Variants in LRMDA observed in about 807,000 individuals in gnomAD.
LRMDA encodes the protein leucine rich melanocyte differentiation associated, also known as leucine-rich melanocyte differentiation-associated protein.
Under a neutral mutation model 29.8 loss-of-function variants are expected in LRMDA, and 18 were observed. That is an observed-to-expected ratio of 0.60 (90% CI 0.42 to 0.90). The LOEUF is 0.90. LRMDA is among the 40% of genes least tolerant of loss of function. LRMDA has a pLI of 0.00. For missense variants in LRMDA, 273 were observed against 273.9 expected (o/e 1.00, Z 0.02); for synonymous variants, 125 against 109.4 (o/e 1.14, Z -0.89).
intron 5 of LRMDA, among the ~76,000 whole-genome samples, chr10:76,062,476 G>A (rs1848717110): frequency 6.6e-6 from 1 of 152,148 alleles, no homozygotes; most frequent in Non-Finnish European, 1.5e-5. Context: ...TGGCGCTTGA[G>A]TGCAAGTCCT....
At chr10:76,310,821 C>A (rs932466548) in intron 5 of LRMDA, among the ~76,000 whole-genome samples, 2 of 152,168 alleles carry the variant, frequency 1.3e-5, no homozygotes, top group African/African-American at 2.4e-5. Context: ...GTCATGCTGG[C>A]ATGCACTCTT....
At chr10:76,446,784 T>C (rs907022824) in intron 6 of LRMDA, among the ~76,000 whole-genome samples, 1 of 152,218 alleles carries the variant, frequency 6.6e-6, no homozygotes, top group African/African-American at 2.4e-5. Flanking sequence ...CACTTACTTA[T>C]GCTTTGGCTG....
chr10:75,668,731 AAC>A (rs1410614889), intron 2 of LRMDA, among the ~76,000 whole-genome samples: 1 of 152,232 alleles, frequency 6.6e-6, no homozygotes, highest in Non-Finnish European at 1.5e-5. Flanking sequence ...GAAATCTAGC[AAC>A]ACACAGTTAA....
intron 2 of LRMDA, among the ~76,000 whole-genome samples, chr10:75,557,829 G>A (rs1230136309): frequency 2.0e-5 from 3 of 152,164 alleles, no homozygotes; most frequent in East Asian, 1.9e-4. Context: ...GCTGTATGTC[G>A]ATCTGTTAAG....
chr10:75,902,169 C>T (rs1264093268), intron 2 of LRMDA, among the ~76,000 whole-genome samples: 7 of 152,186 alleles, frequency 4.6e-5, no homozygotes, highest in African/African-American at 1.7e-4. Flanking sequence ...AATGGCTGCT[C>T]TTTGGCTACC....
chr10:76,008,510 AG>A (rs746495859), intron 2 of LRMDA, among the ~76,000 whole-genome samples: 1 of 152,288 alleles, frequency 6.6e-6, no homozygotes, highest in Admixed American at 6.5e-5. Flanking sequence ...TTCAATTCCG[AG>A]GCTGGCTTCT....
chr10:75,522,242 C>G (rs1230139263), intron 2 of LRMDA, among the ~76,000 whole-genome samples: 1 of 152,138 alleles, frequency 6.6e-6, no homozygotes, highest in East Asian at 1.9e-4. Flanking sequence ...TGAGGCAGAC[C>G]TTATACTCAT....
At chr10:75,884,305 G>GT (rs1170860536) in intron 2 of LRMDA, among the ~76,000 whole-genome samples, 1 of 149,608 alleles carries the variant, frequency 6.7e-6, no homozygotes, top group Non-Finnish European at 1.5e-5. Flanking sequence ...GGGAGGGGAT[G>GT]TTTTCATGTG....
intron 2 of LRMDA, among the ~76,000 whole-genome samples, chr10:75,604,133 G>A (rs1397827903): frequency 6.6e-6 from 1 of 151,950 alleles, no homozygotes; most frequent in Non-Finnish European, 1.5e-5. Context: ...AATTCAATCA[G>A]TTAACCATTC....
At chr10:75,975,571 C>T (rs147413848) in intron 2 of LRMDA, among the ~76,000 whole-genome samples, 1 of 152,142 alleles carries the variant, frequency 6.6e-6, no homozygotes, top group Non-Finnish European at 1.5e-5. Flanking sequence ...GATTGGGTAC[C>T]CTGTTTTCTG....
intron 5 of LRMDA, among the ~76,000 whole-genome samples, chr10:76,277,263 C>A (rs1201561142): frequency 6.6e-6 from 1 of 152,106 alleles, no homozygotes; most frequent in Non-Finnish European, 1.5e-5. Context: ...TAAAAAAGAA[C>A]AATAAACCCA....
intron 6 of LRMDA, among the ~76,000 whole-genome samples, chr10:76,450,127 G>A (rs1056187599): frequency 6.6e-6 from 1 of 151,996 alleles, no homozygotes; most frequent in Non-Finnish European, 1.5e-5. Context: ...TTCTCAGGAA[G>A]AGAATAAAAA....
intron 2 of LRMDA, among the ~76,000 whole-genome samples, chr10:75,830,932 GAC>G (rs1844330444): frequency 6.6e-6 from 1 of 152,076 alleles, no homozygotes; most frequent in South Asian, 2.1e-4. Context: ...TTACTTCCTA[GAC>G]AAAACAGGAG....
chr10:76,443,368 C>CAG (rs1264955329), intron 6 of LRMDA, among the ~76,000 whole-genome samples: 1 of 152,182 alleles, frequency 6.6e-6, no homozygotes, highest in African/African-American at 2.4e-5. Flanking sequence ...ACTCTGGCAT[C>CAG]ACATCTTCGA....
rs140958956 is a variant in LRMDA at position 76,010,462 on chromosome 10, A to G, written c.132-25546A>G. On this transcript the variant is annotated intron_variant, in intron 2 of 6. Coordinates refer to ENST00000611255, the MANE Select transcript of LRMDA (RefSeq NM_001305581.2). ...TGAGTAGCTGGGACTACAGGCGCTC[A>G]CTACCATGCCTGGCTAATTTTTTGT... Among the ~76,000 whole-genome samples the G allele has an allele frequency of 5.0e-3, 759 of 152,090 alleles. 34 individuals are homozygous for G. The East Asian group carries it at 0.11, about 22-fold the overall frequency.
rs1037183331 is a variant in LRMDA, at chr10:76,246,549, G to C, written c.517-77852G>C. 4.6e-5 allele frequency among the ~76,000 whole-genome samples: 5 copies of C among 108,030 alleles called. No individual in the cohort carries two copies. In the East Asian group the frequency reaches 1.2e-3, roughly 26 times the overall value. 70.9% of individuals were successfully genotyped at this position (108,030 alleles called of 152,430 possible). A position where few individuals can be genotyped will look rare whatever the true frequency, so the allele number is the denominator to read the frequency against. On this transcript the variant is annotated intron_variant, in intron 5 of 6. Coordinates refer to ENST00000611255, the MANE Select transcript of LRMDA (RefSeq NM_001305581.2). ...GCAAGTGCTTGGAACCAGGGGTGCAGGGAAAGCCGTACGAATCCACACCTG... is the reference window on the plus strand; with the variant it reads ...GCAAGTGCTTGGAACCAGGGGTGCACGGAAAGCCGTACGAATCCACACCTG...
chr10:76,032,293 C>T (rs921105002), intron 2 of LRMDA, among the ~76,000 whole-genome samples: 1 of 152,162 alleles, frequency 6.6e-6, no homozygotes, highest in Non-Finnish European at 1.5e-5. Context: ...CTACCCATGG[C>T]CCCCCCATGC....
At chr10:75,673,222 T>A (rs1227242804) in intron 2 of LRMDA, among the ~76,000 whole-genome samples, 1 of 152,048 alleles carries the variant, frequency 6.6e-6, no homozygotes, top group Non-Finnish European at 1.5e-5. Context: ...GGGTTGAAGG[T>A]AAAATCATTT....
In LRMDA at chr10:76,188,514, G is replaced by A. The variant is rs568376798; in HGVS notation, c.516+129731G>A. Among the ~76,000 whole-genome samples the A allele has an allele frequency of 1.8e-4, 28 of 152,200 alleles. No individual in the cohort carries two copies. The South Asian group carries it at 4.8e-3, about 26-fold the overall frequency. ...ATTTCCTTCTGGCTTGACTGGGGTC[G>A]GCTAGTTCCCTCTTGCGGGGCCTTT... On this transcript the variant is annotated intron_variant, in intron 5 of 6. Coordinates refer to ENST00000611255, the MANE Select transcript of LRMDA (RefSeq NM_001305581.2).
Sources: allele counts gnomAD v4.1 joint callset (sites outside exome capture counted in the v4.1 genomes callset), GRCh38; gene constraint gnomAD v4.1.1; transcripts MANE v1.5; gene names NCBI Gene and HGNC (gene_info 2026-07-23, HGNC 2026-07-21).